Variants in IGSF3 observed in about 807,000 individuals in gnomAD.
The protein encoded by IGSF3 is immunoglobulin superfamily member 3, also known as glu-Trp-Ile EWI motif-containing protein 3.
IGSF3 carries 23 observed loss-of-function variants against 114.4 expected under a neutral mutation model. The observed-to-expected ratio is 0.20, with a 90% CI of 0.14 to 0.28. The LOEUF (loss-of-function observed/expected upper bound fraction) is 0.28. IGSF3 is among the 10% of genes least tolerant of loss of function. The pLI is 1.00. For synonymous variants in IGSF3, 571 were observed against 645.2 expected, an observed-to-expected ratio of 0.88 and a Z score of 1.74; for missense variants, 1,172 against 1,591.5, an observed-to-expected ratio of 0.74 and a Z score of 4.48.
intron 10 of IGSF3, among the ~76,000 whole-genome samples, chr1:116,578,983 T>C (rs1448357381): frequency 6.6e-6 from 1 of 152,196 alleles, no homozygotes; most frequent in Non-Finnish European, 1.5e-5. Flanking sequence ...AAAGAAATAA[T>C]GACAGTGAGG....
rs1035294010 is a variant in IGSF3, at chr1:116,628,052, T to C, written c.44-11595A>G. Among the ~76,000 whole-genome samples, 13 of 152,344 alleles carry C rather than the reference T, an allele frequency of 8.5e-5. No homozygotes were observed. The highest frequency in any genetic ancestry group is 5.8e-4 in the East Asian group (3 of 5,184). ...GCCAATGTGCCATCCTCTTGGATGA[T>C]AGCTGGATAATCGCAATAAGCAGAG... On this transcript the variant is annotated intron_variant, in intron 2 of 10. Coordinates refer to ENST00000369486, the MANE Select transcript of IGSF3 (RefSeq NM_001007237.3). The surrounding 1 kb of genome is among the most constrained non-coding windows in gnomAD (Gnocchi z 4.2).
intron 4 of IGSF3, among the ~76,000 whole-genome samples, chr1:116,611,224 A>G (rs1661006701): frequency 6.6e-6 from 1 of 152,006 alleles, no homozygotes; most frequent in Non-Finnish European, 1.5e-5. Context: ...AAAAATCTCT[A>G]CCTCCTCTCC....
intron 2 of IGSF3, among the ~76,000 whole-genome samples, chr1:116,658,709 CA>C (rs1359672289): frequency 6.6e-6 from 1 of 152,196 alleles, no homozygotes; most frequent in African/African-American, 2.4e-5. Flanking sequence ...CCAGCCCTTC[CA>C]AAAGGCCTTT....
chr1:116,659,182 A>T (rs925996512), intron 2 of IGSF3, among the ~76,000 whole-genome samples: 3 of 152,112 alleles, frequency 2.0e-5, no homozygotes, highest in Non-Finnish European at 4.4e-5. Flanking sequence ...GAAGACATAC[A>T]GACTGGGCTG....
intron 2 of IGSF3, among the ~76,000 whole-genome samples, chr1:116,623,199 C>T (rs1038116048): frequency 6.6e-6 from 1 of 152,200 alleles, no homozygotes; most frequent in Non-Finnish European, 1.5e-5. Context: ...AAACACAACA[C>T]TTGAACCTTT....
intron 8 of IGSF3, among the ~76,000 whole-genome samples, chr1:116,587,964 A>G (rs1272129426): frequency 6.6e-6 from 1 of 152,230 alleles, no homozygotes; most frequent in Non-Finnish European, 1.5e-5. Context: ...TTAACAGAGA[A>G]GGGGCATACA....
rs145987433 is a variant in IGSF3, at chr1:116,579,654, G to A, written c.3072C>T (p.Asp1024=). The A allele has an allele frequency of 4.4e-5, 70 of 1,595,802 alleles. No individual in the cohort carries two copies. The African/African-American group carries it at 8.7e-4, about 20-fold the overall frequency. The part of the protein sequence containing the change: ...EEEEEEDDDD[D]DDPTERTALL... The stretch of plus-strand genomic sequence containing the variant: ...GGGCCGTCCGCTCTGTTGGGTCGTC[G>A]TCGTCGTCGTCGTCCTCCTCCTCCT... The change falls in exon 10 of 11, where the codon GAC becomes GAT. Residue 1024 remains aspartate, a synonymous_variant. Transcript: ENST00000369486. The surrounding 1 kb of genome is among the most constrained non-coding windows in gnomAD (Gnocchi z 6.4).
intron 6 of IGSF3, among the ~76,000 whole-genome samples, chr1:116,601,503 A>G (rs1660587205): frequency 6.6e-6 from 1 of 152,200 alleles, no homozygotes; most frequent in Admixed American, 6.5e-5. Context: ...GTTTATAAAT[A>G]TTACAAATAG....
intron 2 of IGSF3, among the ~76,000 whole-genome samples, chr1:116,619,240 C>T (rs769950296): frequency 6.6e-6 from 1 of 152,196 alleles, no homozygotes; most frequent in African/African-American, 2.4e-5. Context: ...TGAGACCCAT[C>T]AGATACTAGC....
At position 116,576,763 on chromosome 1, in the gene IGSF3, A is replaced by G. The variant is rs1659359370; in HGVS notation, c.*549T>C. 6.5e-6 allele frequency: 1 copy of G among 153,480 alleles called. No individual in the cohort carries two copies. Among genetic ancestry groups the G allele is most frequent in the African/African-American group, 2.4e-5 (1 of 41,452 alleles). The allele number at this position is 153,480 out of a possible 1,614,324, so 9.5% of individuals were successfully genotyped here. On this transcript the variant is annotated 3_prime_UTR_variant, in exon 11 of 11. Coordinates refer to ENST00000369486, the MANE Select transcript of IGSF3 (RefSeq NM_001007237.3). This position sits in a 1 kb window ranked among gnomAD's most constrained non-coding sequence, Gnocchi z 4.6. ...ACAAATTTTGCCCACACTACACACA[A>G]TTCTTAAGTCTTGTTAAGAAAGTAA...
chr1:116,605,813 C>A lies in IGSF3; in HGVS notation c.1223-1788G>T, dbSNP rs1478490840. On this transcript the variant is annotated intron_variant, in intron 5 of 10. Coordinates refer to ENST00000369486, the MANE Select transcript of IGSF3 (RefSeq NM_001007237.3). The surrounding 1 kb of genome is among the most constrained non-coding windows in gnomAD (Gnocchi z 5.1). The stretch of plus-strand genomic sequence containing the variant: ...AGCATCAAGGAAGAAAATCCTTTCA[C>A]TTGTATTAAGCAGAAGAATGACTTG... 2.0e-5 allele frequency among the ~76,000 whole-genome samples: 3 copies of A among 152,226 alleles called. No homozygotes were observed. The highest frequency in any genetic ancestry group is 2.0e-4 in the Admixed American group (3 of 15,286).
chr1:116,667,290 C>G (rs1451949759), intron 1 of IGSF3, among the ~76,000 whole-genome samples: 1 of 152,232 alleles, frequency 6.6e-6, no homozygotes, highest in Non-Finnish European at 1.5e-5. Flanking sequence ...GGGGCCGCGA[C>G]TCCCGGCCCC....
intron 2 of IGSF3, chr1:116,646,808 T>C (rs1648397113): frequency 6.6e-6 from 1 of 152,228 alleles, no homozygotes; most frequent in South Asian, 2.1e-4. Context: ...TGATGCTAAC[T>C]TGCTAATGCA....
At chr1:116,601,768 A>G (rs17014894) in intron 6 of IGSF3, among the ~76,000 whole-genome samples, 6,880 of 152,226 alleles carry the variant, frequency 0.045, 479 homozygotes, top group African/African-American at 0.15. Context: ...CCATCCTTAA[A>G]CATGAAGCGC....
At position 116,579,609 on chromosome 1, in the gene IGSF3, A is replaced by C. The variant is rs1659504496; in HGVS notation, c.3117T>G (p.Asp1039Glu). ...ERTALLSVGP[D>E]AVFGPEGSPW... is the part of the protein sequence containing the mutation. ...GACTGCCCTCTGGGCCAAAGACAGC[A>C]TCTGGGCCCACGCTCAGCAGGGCCG... Residue 1039 changes from aspartate (D) to glutamate (E), a missense_variant, in exon 10 of 11, where the codon GAT becomes GAG. Coordinates refer to ENST00000369486, the MANE Select transcript of IGSF3 (RefSeq NM_001007237.3). The surrounding 1 kb of genome is among the most constrained non-coding windows in gnomAD (Gnocchi z 6.4). 1 of 1,613,988 alleles carries C rather than the reference A, an allele frequency of 6.2e-7. No individual in the cohort carries two copies.
rs750798986 is a variant in IGSF3 at position 116,585,750 on chromosome 1, C to T, written c.2441-698G>A. ...CAGCCTGGCCAACACAATGAAACCC[C>T]ATCTCTACTAAAAATACAAAAATTA... On this transcript the variant is annotated intron_variant, in intron 8 of 10. Transcript: ENST00000369486. This position sits in a 1 kb window ranked among gnomAD's most constrained non-coding sequence, Gnocchi z 4.9. 6.6e-6 allele frequency among the ~76,000 whole-genome samples: 1 copy of T among 152,020 alleles called. No homozygotes were observed. Among genetic ancestry groups the T allele is most frequent in the Non-Finnish European group, 1.5e-5 (1 of 67,984 alleles).
At chr1:116,641,957 G>C (rs545393612) in intron 2 of IGSF3, among the ~76,000 whole-genome samples, 1 of 150,976 alleles carries the variant, frequency 6.6e-6, no homozygotes, top group South Asian at 2.1e-4. Context: ...TTTTTGGTTT[G>C]TTTGTTTGTT....
intron 2 of IGSF3, among the ~76,000 whole-genome samples, chr1:116,621,342 C>T (rs1190186505): frequency 2.0e-5 from 3 of 152,120 alleles, no homozygotes; most frequent in Admixed American, 2.0e-4. Flanking sequence ...TGAGAACTGA[C>T]TAATACATAG....
Position 116,584,635 on chromosome 1 carries a change from G to C in IGSF3, c.2848+10C>G. ...AGAGGGAGTGGAAGCTTGGGGACGT[G>C]GACCCTCACCTGGTCGCATGACTGT... On this transcript the variant is annotated intron_variant, in intron 9 of 10. Transcript: ENST00000369486. The surrounding 1 kb of genome is among the most constrained non-coding windows in gnomAD (Gnocchi z 5.8). 6.2e-7 allele frequency: 1 copy of C among 1,613,860 alleles called. No homozygotes were observed. Among genetic ancestry groups the C allele is most frequent in the Non-Finnish European group, 8.5e-7 (1 of 1,179,796 alleles).
Sources: allele counts gnomAD v4.1 joint callset (sites outside exome capture counted in the v4.1 genomes callset), GRCh38; gene constraint gnomAD v4.1.1; non-coding constraint Gnocchi (gnomAD v3.1); transcripts MANE v1.5; gene names NCBI Gene and HGNC (gene_info 2026-07-23, HGNC 2026-07-21).